The following IGLON5 variants were observed in gnomAD, a reference collection of about 807,000 sequenced individuals.
The protein encoded by IGLON5 is Ig-like domain-containing protein ENSP00000270642.
In IGLON5, 16 loss-of-function variants were observed where a neutral mutation model predicts 38.2. The observed-to-expected ratio is 0.42, with a 90% CI of 0.28 to 0.64. IGLON5 has a LOEUF of 0.64. Ranked by LOEUF, IGLON5 falls within the 30% of genes least tolerant of loss-of-function variation. The pLI is 0.23. For synonymous variants in IGLON5, 207 were observed against 216.4 expected (o/e 0.96, Z 0.38); for missense variants, 366 against 483.4 (o/e 0.76, Z 2.28).
chr19:51,323,586 C>G (rs1568458893), intron 2 of IGLON5, 76 bp from the exon 3 acceptor site: 13 of 1,309,680 alleles, frequency 9.9e-6, no homozygotes, highest in Non-Finnish European at 7.4e-6. Context: ...GCCTCCTTCT[C>G]CCACCCACCC....
intron 2 of IGLON5, among the ~76,000 whole-genome samples, chr19:51,322,550 C>G (rs1482592987): frequency 6.6e-6 from 1 of 151,664 alleles, no homozygotes; most frequent in Non-Finnish European, 1.5e-5. Context: ...TCACCCTGGT[C>G]TCTGTTCCCC....
At chr19:51,322,858 G>A (rs770620559) in intron 2 of IGLON5, among the ~76,000 whole-genome samples, 42 of 143,314 alleles carry the variant, frequency 2.9e-4, no homozygotes, top group Admixed American at 1.1e-3. Context: ...CTCTCTCTGG[G>A]TCTCTGTTCT....
At chr19:51,323,564 G>A in intron 2 of IGLON5, 98 bp from the exon 3 acceptor site, 1 of 955,258 alleles carries the variant, frequency 1.0e-6, no homozygotes, top group Non-Finnish European at 1.6e-6. Context: ...GGTGGGACCT[G>A]GAGATGCGGT....
Position 51,311,917 on chromosome 19 carries a change from A to T in IGLON5, c.70A>T (p.Ile24Phe). 1 of 1,352,590 alleles carries T rather than the reference A, an allele frequency of 7.4e-7. No homozygotes were observed. Among genetic ancestry groups the T allele is most frequent in the Non-Finnish European group, 9.5e-7 (1 of 1,048,366 alleles). The allele number at this position is 1,352,590 out of a possible 1,614,324, so 83.8% of individuals were successfully genotyped here. A position where few individuals can be genotyped will look rare whatever the true frequency, so the allele number is the denominator to read the frequency against. Residue 24 changes from isoleucine to phenylalanine, a missense_variant, in exon 1 of 8, where the codon ATC becomes TTC. By Grantham distance (21) the Ile-to-Phe change is conservative. Transcript: ENST00000270642. ...AAAALAGLAV[I>F]SRGLLSQSLE... Reference sequence around the variant, plus strand: ...CGCCGCCCTGGCCGGCTTGGCCGTCATCAGCCGAGGTACCGCAGCGCCGGG... The same window carrying T: ...CGCCGCCCTGGCCGGCTTGGCCGTCTTCAGCCGAGGTACCGCAGCGCCGGG...
intron 1 of IGLON5, among the ~76,000 whole-genome samples, chr19:51,312,221 C>T (rs982827470): frequency 6.6e-6 from 1 of 151,910 alleles, no homozygotes. Flanking sequence ...CCTAGCCCTG[C>T]CTGGGGGCAG....
intron 2 of IGLON5, among the ~76,000 whole-genome samples, chr19:51,322,699 C>G (rs1985098440): frequency 7.1e-6 from 1 of 141,538 alleles, no homozygotes; most frequent in East Asian, 2.4e-4. Context: ...CTGTCCTTCT[C>G]TGTGTGTGTG....
At position 51,327,028 on chromosome 19, in the gene IGLON5, C is replaced by T. The variant is rs1985234334; in HGVS notation, c.647-52C>T. ...GGGAGGCGGGGGCTGGGGGCGGGACCCCTTCGTCCCCACGCGGCTAGGAGA... is the reference window on the plus strand; with the variant it reads ...GGGAGGCGGGGGCTGGGGGCGGGACTCCTTCGTCCCCACGCGGCTAGGAGA... On this transcript the variant is annotated intron_variant, in intron 5 of 7. Coordinates refer to ENST00000270642, the MANE Select transcript of IGLON5 (RefSeq NM_001101372.3). This position sits in a 1 kb window ranked among gnomAD's most constrained non-coding sequence, Gnocchi z 7.1. 2 of 1,597,574 alleles carry T rather than the reference C, an allele frequency of 1.3e-6. No homozygotes were observed. The highest frequency in any genetic ancestry group is 3.5e-5 in the Admixed American group (2 of 57,558).
At position 51,327,114 on chromosome 19, in the gene IGLON5, C is replaced by T; in HGVS notation, c.681C>T (p.Arg227=). ...CCATCACGGACGTGACCAGCGCCCGCACCGCGCTGGGCCGGGCCGCCCTCC... is the reference window on the plus strand; with the variant it reads ...CCATCACGGACGTGACCAGCGCCCGTACCGCGCTGGGCCGGGCCGCCCTCC... ...PPTITDVTSA[R]TALGRAALLR... is the part of the protein sequence containing the mutation. Residue 227 remains arginine, a synonymous_variant, in exon 6 of 8, where the codon CGC becomes CGT. Transcript: ENST00000270642. The surrounding 1 kb of genome is among the most constrained non-coding windows in gnomAD (Gnocchi z 7.1). The T allele has an allele frequency of 6.2e-7, 1 of 1,610,940 alleles. No homozygotes were observed. Among genetic ancestry groups the T allele is most frequent in the Non-Finnish European group, 8.5e-7 (1 of 1,178,934 alleles).
At chr19:51,313,659 C>CTTTCTCTCTCTT (rs1323861760) in intron 1 of IGLON5, among the ~76,000 whole-genome samples, 11 of 72,176 alleles carry the variant, frequency 1.5e-4, no homozygotes, top group Admixed American at 1.0e-3. Context: ...TTCTTTCTTT[C>CTTTCTCTCTCTT]TTTCTTTCTT....
At chr19:51,321,786 T>C (rs949285265) in intron 1 of IGLON5, among the ~76,000 whole-genome samples, 1 of 152,242 alleles carries the variant, frequency 6.6e-6, no homozygotes, top group Admixed American at 6.5e-5. Context: ...TCTGTGAGTC[T>C]GTGTGGGCTC....
intron 7 of IGLON5, 81 bp from the exon 8 acceptor site, chr19:51,328,590 G>C: frequency 1.3e-6 from 1 of 779,330 alleles, no homozygotes. Context: ...AGTGGGCTCA[G>C]AAGAGATGGG....
chr19:51,313,240 C>A (rs1311462432), intron 1 of IGLON5, among the ~76,000 whole-genome samples: 1 of 152,216 alleles, frequency 6.6e-6, no homozygotes, highest in Non-Finnish European at 1.5e-5. Context: ...GTCTGAATCG[C>A]CCTCTGACTT....
rs3077027 is a variant in IGLON5 at position 51,319,304 on chromosome 19, CGTGTGT to C, written c.80-2742_80-2737del. Among the ~76,000 whole-genome samples the C allele has an allele frequency of 3.7e-4, 55 of 149,484 alleles. 1 individual carries two copies. In the East Asian group the frequency reaches 4.0e-3, roughly 11 times the overall value. On this transcript the variant is annotated intron_variant, in intron 1 of 7. Coordinates refer to ENST00000270642, the MANE Select transcript of IGLON5 (RefSeq NM_001101372.3). ...GACTTTCCAATTCCCTGTGTGTGTG[CGTGTGT>C]GTGTGTGTGTGTGTGTGCGTCCAGC...
intron 1 of IGLON5, 44 bp from the exon 2 acceptor site, chr19:51,322,019 GC>G (rs747540741): frequency 2.6e-6 from 4 of 1,514,986 alleles, no homozygotes; most frequent in Admixed American, 1.7e-5. Context: ...CCATGCCCGG[GC>G]CTTGCCTGAG....
rs1599828560 is a variant in IGLON5 at position 51,327,235 on chromosome 19, A to G, written c.767+35A>G. On this transcript the variant is annotated intron_variant, in intron 6 of 7. Transcript: ENST00000270642. The surrounding 1 kb of genome is among the most constrained non-coding windows in gnomAD (Gnocchi z 7.1). ...GCACTGAGGGGGCCGTGGGAGCGGG[A>G]AGGGGAGGTCTTTAGTCCCTTCGAT... 1 of 1,592,938 alleles carries G rather than the reference A, an allele frequency of 6.3e-7. No homozygotes were observed. Among genetic ancestry groups the G allele is most frequent in the Non-Finnish European group, 8.6e-7 (1 of 1,167,832 alleles).
In IGLON5 at chr19:51,327,900, C is replaced by A. The variant is rs1568460006; in HGVS notation, c.922+14C>A. 39 of 605,242 alleles carry A rather than the reference C, an allele frequency of 6.4e-5. No homozygotes were observed. Among genetic ancestry groups the A allele is most frequent in the East Asian group, 2.2e-4 (2 of 9,252 alleles). The allele number at this position is 605,242 out of a possible 1,614,324, so 37.5% of individuals were successfully genotyped here. On this transcript the variant is annotated intron_variant, in intron 7 of 7. Coordinates refer to ENST00000270642, the MANE Select transcript of IGLON5 (RefSeq NM_001101372.3). The surrounding 1 kb of genome is among the most constrained non-coding windows in gnomAD (Gnocchi z 7.1). ...TGCGGCTCCTGCGTGCGTCTTCGGG[C>A]GGGGCGGGGCCGGGAAGGTGGGCGG...
chr19:51,316,697 T>C (rs1014920055), intron 1 of IGLON5, among the ~76,000 whole-genome samples: 3 of 152,010 alleles, frequency 2.0e-5, no homozygotes, highest in Non-Finnish European at 4.4e-5. Context: ...TTTCACCATA[T>C]TGGTCAGGCT....
chr19:51,317,334 C>T (rs969481272), intron 1 of IGLON5, among the ~76,000 whole-genome samples: 9 of 152,222 alleles, frequency 5.9e-5, no homozygotes, highest in African/African-American at 2.2e-4. Context: ...ACTTAACTGG[C>T]AGGCACTGTA....
intron 1 of IGLON5, among the ~76,000 whole-genome samples, chr19:51,318,108 G>T (rs1191773542): frequency 1.3e-5 from 2 of 152,208 alleles, no homozygotes; most frequent in African/African-American, 4.8e-5. Flanking sequence ...AGAAGGAGTG[G>T]GAGCTCTGCC....
Sources: allele counts gnomAD v4.1 joint callset (sites outside exome capture counted in the v4.1 genomes callset), GRCh38; gene constraint gnomAD v4.1.1; non-coding constraint Gnocchi (gnomAD v3.1); transcripts MANE v1.5; gene names NCBI Gene and HGNC (gene_info 2026-07-23, HGNC 2026-07-21).